DOT1L: variants seen among roughly 807,000 people sequenced by gnomAD.
The protein encoded by DOT1L is histone-lysine N-methyltransferase, H3 lysine-79 specific.
DOT1L carries 33 observed loss-of-function variants against 153.3 expected under a neutral mutation model. The ratio of observed to expected loss-of-function variants is 0.22; its 90% CI spans 0.16 to 0.29. DOT1L has a LOEUF of 0.29. Among genes scored for constraint, DOT1L ranks in the 10% least tolerant of loss-of-function variants. The pLI is 1.00. For synonymous variants in DOT1L, 1,135 were observed against 965.1 expected (o/e 1.18, Z -3.26); for missense variants, 1,847 against 2,119.9 (o/e 0.87, Z 2.53).
At chr19:2,210,343 C>T in intron 12 of DOT1L, 57 bp from the exon 13 acceptor site, 5 of 1,414,472 alleles carry the variant, frequency 3.5e-6, no homozygotes, top group African/African-American at 1.4e-5. Flanking sequence ...CCTCTCGGTG[C>T]AGGAGGGCCG....
intron 1 of DOT1L, among the ~76,000 whole-genome samples, chr19:2,168,839 C>T (rs2020023165): frequency 6.6e-6 from 1 of 152,222 alleles, no homozygotes; most frequent in African/African-American, 2.4e-5. Flanking sequence ...TGGTCTCGAA[C>T]TCCTGACCTT....
At position 2,216,476 on chromosome 19, in the gene DOT1L, A is replaced by G. The variant is rs780948550; in HGVS notation, c.2119A>G (p.Met707Val). ...TKFSLPHLSS[M>V]SPELSMNGQA... ...GTTCTCGCTGCCTCACTTGAGCAGC[A>G]TGAGCCCGGAGCTCTCCATGAACGG... The change falls in exon 20 of 28, where the codon ATG (methionine) becomes GTG (valine). Residue 707 changes from methionine to valine, a missense_variant. By Grantham distance (21) the Met-to-Val change is conservative (BLOSUM62 1). This residue lies in a region of DOT1L where 281 missense variants were observed against 263.6 expected (regional missense o/e 1.07). Coordinates refer to ENST00000398665, the MANE Select transcript of DOT1L (RefSeq NM_032482.3). 3 of 1,612,592 alleles carry G rather than the reference A, an allele frequency of 1.9e-6. No homozygotes were observed. Among genetic ancestry groups the G allele is most frequent in the African/African-American group, 1.3e-5 (1 of 74,940 alleles).
In DOT1L at chr19:2,208,649, T is replaced by G. The variant is rs1482486079; in HGVS notation, c.964-286T>G. On this transcript the variant is annotated intron_variant, in intron 11 of 27. Transcript: ENST00000398665. The surrounding 1 kb of genome is among the most constrained non-coding windows in gnomAD (Gnocchi z 4.4). ...CTTCTGTGCAGAAAGCCCTCCCTCT[T>G]CCAGAAGCAGAGACACATCCCAGGG... Among the ~76,000 whole-genome samples, 11 of 152,080 alleles carry G rather than the reference T, an allele frequency of 7.2e-5. No homozygotes were observed.
chr19:2,219,989 C>T (rs1599610062), intron 22 of DOT1L, 119 bp from the exon 23 acceptor site: 4 of 856,778 alleles, frequency 4.7e-6, no homozygotes, highest in East Asian at 2.6e-5. Context: ...CGGTACTGGA[C>T]GGTGACCCCG....
At chr19:2,181,579 C>CCTACA (rs1424087267) in intron 2 of DOT1L, among the ~76,000 whole-genome samples, 9 of 149,658 alleles carry the variant, frequency 6.0e-5, no homozygotes, top group African/African-American at 2.0e-4. Flanking sequence ...TGTAGGTCGG[C>CCTACA]CAGGGTGGGC....
chr19:2,187,875 T>C (rs888078515), intron 3 of DOT1L, among the ~76,000 whole-genome samples: 1 of 147,286 alleles, frequency 6.8e-6, no homozygotes, highest in African/African-American at 2.5e-5. Context: ...TGAGCTGAGA[T>C]CGCGCCACCG....
rs768046208 is a variant in DOT1L, at chr19:2,223,289, C to T, written c.3399C>T (p.Asn1133=). Residue 1133 remains asparagine, a synonymous_variant, in exon 25 of 28, where the codon AAC becomes AAT. Transcript: ENST00000398665. ...SPLNLNSMVS[N]INQPLEITAI... ...TGTCTGTCTGCCCTCAGGTCAGTAA[C>T]ATCAACCAGCCCCTGGAGATTACAG... The T allele has an allele frequency of 1.3e-5, 21 of 1,613,402 alleles. No individual in the cohort carries two copies. The highest frequency in any genetic ancestry group is 1.8e-5 in the Non-Finnish European group (21 of 1,179,962).
chr19:2,200,906 CATTCCTCGTCCTCCCCGT>C, intron 8 of DOT1L, among the ~76,000 whole-genome samples: 1 of 146,260 alleles, frequency 6.8e-6, no homozygotes, highest in South Asian at 2.2e-4. Flanking sequence ...ATCCTCCCCT[CATTCCTCGTCCTCCCCGT>C]ATTCCTCATC....
chr19:2,227,993 C>CCCTCCACCTAACGCCGCCTTGCCT, intron 27 of DOT1L: 1 of 1,286,578 alleles, frequency 7.8e-7, no homozygotes, highest in Non-Finnish European at 1.0e-6. Flanking sequence ...TCCACGCCCC[C>CCCTCCACCTAACGCCGCCTTGCCT]CCTCCACCTA....
chr19:2,173,145 G>A (rs1388229997), intron 1 of DOT1L, among the ~76,000 whole-genome samples: 1 of 152,120 alleles, frequency 6.6e-6, no homozygotes, highest in Non-Finnish European at 1.5e-5. Flanking sequence ...GCGTCCTGGA[G>A]CGTTTTTCCC....
chr19:2,183,161 C>T (rs976159967), intron 2 of DOT1L, among the ~76,000 whole-genome samples: 3 of 152,206 alleles, frequency 2.0e-5, no homozygotes, highest in Non-Finnish European at 4.4e-5. Context: ...GTCCCAAGCA[C>T]GTCCTCCCAC....
At chr19:2,199,644 T>C (rs531233107) in intron 7 of DOT1L, among the ~76,000 whole-genome samples, 8 of 152,308 alleles carry the variant, frequency 5.3e-5, no homozygotes, top group African/African-American at 1.9e-4. Context: ...CCCAAGCGGA[T>C]GCTGGAGCAC....
At position 2,190,882 on chromosome 19, in the gene DOT1L, C is replaced by T. The variant is rs1258979163; in HGVS notation, c.265-130C>T. 2.4e-6 allele frequency: 2 copies of T among 837,800 alleles called. No homozygotes were observed. The highest frequency in any genetic ancestry group is 1.7e-5 in the African/African-American group (1 of 58,126). 51.9% of individuals were successfully genotyped at this position (837,800 alleles called of 1,614,324 possible). A position where few individuals can be genotyped will look rare whatever the true frequency, so the allele number is the denominator to read the frequency against. On this transcript the variant is annotated intron_variant, in intron 4 of 27. Coordinates refer to ENST00000398665, the MANE Select transcript of DOT1L (RefSeq NM_032482.3). The surrounding 1 kb of genome is among the most constrained non-coding windows in gnomAD (Gnocchi z 4.8). Reference sequence around the variant, plus strand: ...GAAACTGACCTGGGAGCCCGGCAGCCACCCTGCAGGGGGACGAGAGGCCAT... The same window carrying T: ...GAAACTGACCTGGGAGCCCGGCAGCTACCCTGCAGGGGGACGAGAGGCCAT...
chr19:2,165,925 C>G (rs565506869), intron 1 of DOT1L, among the ~76,000 whole-genome samples: 4 of 151,916 alleles, frequency 2.6e-5, no homozygotes, highest in Non-Finnish European at 5.9e-5. Context: ...CCCGCCACCA[C>G]GCCCGGCTAA....
chr19:2,223,511 G>T (rs2024209616), intron 25 of DOT1L, 25 bp downstream of exon 25: 1 of 1,565,564 alleles, frequency 6.4e-7, no homozygotes, highest in Non-Finnish European at 8.6e-7. Flanking sequence ...CCGGAGGGGG[G>T]CGGGGCCTGG....
At chr19:2,224,213 G>C (rs1160250724) in intron 25 of DOT1L, among the ~76,000 whole-genome samples, 3 of 152,230 alleles carry the variant, frequency 2.0e-5, no homozygotes, top group Non-Finnish European at 4.4e-5. Context: ...GTTGTGAGCA[G>C]CACTGCTGTG....
In DOT1L at chr19:2,230,059, G is replaced by A. The variant is rs941977378; in HGVS notation, c.*267G>A. The A allele has an allele frequency of 4.6e-5, 28 of 604,378 alleles. No individual in the cohort carries two copies. The African/African-American group carries it at 4.8e-4, about 10-fold the overall frequency. 37.4% of individuals were successfully genotyped at this position (604,378 alleles called of 1,614,324 possible). On this transcript the variant is annotated 3_prime_UTR_variant, in exon 28 of 28. Coordinates refer to ENST00000398665, the MANE Select transcript of DOT1L (RefSeq NM_032482.3). ...TTTTATTCCATCTAAGTGGTAAAAG[G>A]CAACTTATTGAGAAATATAAATATC...
intron 4 of DOT1L, 45 bp downstream of exon 4, chr19:2,189,840 TCCC>T (rs771205855): frequency 5.6e-6 from 9 of 1,602,952 alleles, no homozygotes; most frequent in Non-Finnish European, 7.7e-6. Context: ...AGTGCCAGGC[TCCC>T]GGACCCCTCC....
intron 27 of DOT1L, chr19:2,229,018 C>T (rs1029487364): frequency 4.3e-5 from 42 of 985,450 alleles, no homozygotes; most frequent in Non-Finnish European, 1.7e-5. Context: ...TTGCTGGACA[C>T]GGCTGATGGC....
Sources: gnomAD v4.1 joint callset for allele counts (sites outside exome capture counted in the v4.1 genomes callset) on GRCh38, gnomAD v4.1.1 for gene constraint, gnomAD v4.1.1 regional missense constraint, Gnocchi (gnomAD v3.1) non-coding constraint, MANE v1.5 for transcripts, NCBI Gene and HGNC (gene_info 2026-07-23, HGNC 2026-07-21) for gene names.